SVIL: variants seen among roughly 807,000 people sequenced by gnomAD.
SVIL encodes archvillin.
SVIL carries 101 observed loss-of-function variants against 240.4 expected under a neutral mutation model. The ratio of observed to expected loss-of-function variants is 0.42; its 90% CI spans 0.36 to 0.50. The LOEUF is 0.50. SVIL is among the 20% of genes least tolerant of loss of function. SVIL has a pLI of 0.01. For missense variants in SVIL, 2,512 were observed against 2,818.7 expected (o/e 0.89, Z 2.46); for synonymous variants, 999 against 1,100.0 (o/e 0.91, Z 1.82).
intron 1 of SVIL, among the ~76,000 whole-genome samples, chr10:29,700,604 G>A (rs917278394): frequency 7.3e-5 from 11 of 151,048 alleles, no homozygotes; most frequent in African/African-American, 1.9e-4. Flanking sequence ...CTGAGTAGCT[G>A]GGACTACAGG....
intron 2 of SVIL, among the ~76,000 whole-genome samples, chr10:29,677,981 G>T (rs1054622863): frequency 3.3e-5 from 5 of 152,116 alleles, no homozygotes; most frequent in Admixed American, 1.3e-4. Flanking sequence ...TCTAAAATGG[G>T]CAAATATCAC....
intron 1 of SVIL, among the ~76,000 whole-genome samples, chr10:29,572,587 A>G (rs1247502678): frequency 1.3e-5 from 2 of 152,082 alleles, no homozygotes; most frequent in Admixed American, 6.6e-5. Context: ...CAACATGGTG[A>G]GGCCCTGTCT....
At chr10:29,555,800 GGGCCATC>G (rs148659441) in intron 3 of SVIL, among the ~76,000 whole-genome samples, 1,847 of 152,280 alleles carry the variant, frequency 0.012, 34 homozygotes, top group African/African-American at 0.043. Context: ...GAACCCCACA[GGGCCATC>G]GGCAAGCTAC....
chr10:29,591,921 G>A (rs1004418958), intron 1 of SVIL, among the ~76,000 whole-genome samples: 4 of 152,206 alleles, frequency 2.6e-5, no homozygotes, highest in African/African-American at 9.7e-5. Context: ...ACCTTACATG[G>A]TTCTGGGTAC....
chr10:29,510,488 A>C (rs928428442), intron 17 of SVIL, among the ~76,000 whole-genome samples: 3 of 149,808 alleles, frequency 2.0e-5, no homozygotes, highest in African/African-American at 4.9e-5. Context: ...ATTTCCACAG[A>C]CTGCACACTC....
intron 3 of SVIL, among the ~76,000 whole-genome samples, chr10:29,649,155 G>T (rs1398972810): frequency 1.3e-5 from 2 of 151,996 alleles, no homozygotes; most frequent in Non-Finnish European, 2.9e-5. Context: ...GCGAGGCCCT[G>T]TCTAAATAAA....
intron 1 of SVIL, among the ~76,000 whole-genome samples, chr10:29,693,940 T>TATAC (rs56135685): frequency 0.099 from 15,067 of 151,702 alleles, 961 homozygotes; most frequent in Non-Finnish European, 0.15. Flanking sequence ...TAGATACATA[T>TATAC]ATACATACAT....
chr10:29,621,024 G>A (rs1473823509), intron 1 of SVIL, among the ~76,000 whole-genome samples: 3 of 142,330 alleles, frequency 2.1e-5, no homozygotes, highest in Non-Finnish European at 3.0e-5. Context: ...GGCTGGTCTC[G>A]AACTCTTGGC....
In SVIL at chr10:29,481,709, C is replaced by G; in HGVS notation, c.4975G>C (p.Asp1659His). 1 of 1,611,300 alleles carries G rather than the reference C, an allele frequency of 6.2e-7. No homozygotes were observed. The highest frequency in any genetic ancestry group is 8.5e-7 in the Non-Finnish European group (1 of 1,177,982). Residue 1659 changes from aspartate to histidine, a missense_variant, in exon 28 of 38, where the codon GAC becomes CAC. Transcript: ENST00000355867. ...LIPRKGQGRP[D>H]WAIFGRLTEH... Reference sequence around the variant, plus strand: ...GTAAGTCTCCCAAATATCGCCCAGTCGGGCCGCCCCTGTCCTTTTCTGTAG... The same window carrying G: ...GTAAGTCTCCCAAATATCGCCCAGTGGGGCCGCCCCTGTCCTTTTCTGTAG...
At chr10:29,513,270 G>A (rs576277053) in intron 16 of SVIL, among the ~76,000 whole-genome samples, 2 of 152,136 alleles carry the variant, frequency 1.3e-5, no homozygotes, top group African/African-American at 4.8e-5. Context: ...TGCAGACATG[G>A]GCTTAAAAAC....
intron 1 of SVIL, among the ~76,000 whole-genome samples, chr10:29,696,968 G>C (rs1468690580): frequency 6.8e-6 from 1 of 146,408 alleles, no homozygotes; most frequent in Non-Finnish European, 1.5e-5. Context: ...AGGGAGGTGG[G>C]GGGGTCAGCC....
At chr10:29,533,528 A>C in intron 7 of SVIL, 70 bp from the exon 8 acceptor site, 1 of 1,518,114 alleles carries the variant, frequency 6.6e-7, no homozygotes, top group Non-Finnish European at 8.8e-7. Flanking sequence ...GCATGCGTAG[A>C]TCACAGATTA....
Position 29,493,357 on chromosome 10 carries a change from G to T in SVIL, c.3876C>A (p.Thr1292=). The T allele has an allele frequency of 6.2e-7, 1 of 1,614,098 alleles. No homozygotes were observed. The highest frequency in any genetic ancestry group is 8.5e-7 in the Non-Finnish European group (1 of 1,180,022). ...GGMHETVLTV[T]GKSVKEVMKP... ...TCATCACCTCCTTCACAGATTTGCCGGTGACAGTGAGCACCGTTTCGTGCA... is the reference window on the plus strand; with the variant it reads ...TCATCACCTCCTTCACAGATTTGCCTGTGACAGTGAGCACCGTTTCGTGCA... The change falls in exon 21 of 38, where the codon ACC becomes ACA. Residue 1292 remains threonine, a synonymous_variant. Coordinates refer to ENST00000355867, the MANE Select transcript of SVIL (RefSeq NM_021738.3).
intron 1 of SVIL, among the ~76,000 whole-genome samples, chr10:29,580,096 A>C (rs908815627): frequency 6.6e-6 from 1 of 152,094 alleles, no homozygotes; most frequent in Non-Finnish European, 1.5e-5. Flanking sequence ...TGAGAGGCCA[A>C]GTCAGGAGGA....
intron 1 of SVIL, among the ~76,000 whole-genome samples, chr10:29,723,902 G>C (rs964842530): frequency 5.9e-5 from 9 of 152,182 alleles, no homozygotes; most frequent in African/African-American, 1.9e-4. Flanking sequence ...AAGTTTGGAG[G>C]AGAAAAAGGG....
intron 29 of SVIL, among the ~76,000 whole-genome samples, chr10:29,478,924 CAAAAAAAAAAAAA>C (rs71020791): frequency 7.9e-5 from 5 of 63,040 alleles, no homozygotes; most frequent in African/African-American, 2.2e-4. Flanking sequence ...AACCCTGTCT[CAAAAAAAAAAAAA>C]AAAAAAAAAA....
chr10:29,458,327 G>C lies in SVIL; in HGVS notation c.6565C>G (p.Leu2189Val). Residue 2189 changes from leucine to valine, a missense_variant, in exon 38 of 38, where the codon CTA becomes GTA. Physicochemically the swap from Leu to Val is conservative, Grantham distance 32 (BLOSUM62 1). This residue lies in a region of SVIL where 797 missense variants were observed against 925.3 expected (regional missense o/e 0.86). Transcript: ENST00000355867. ...TTGTATTCATCCCTCGTCATGTCTA[G>C]TGCAAACTGGAAACATTGGGAGAAG... ...YLTDEDFEFA[L>V]DMTRDEYNAL... 6.2e-7 allele frequency: 1 copy of C among 1,614,220 alleles called. No individual in the cohort carries two copies.
chr10:29,660,440 T>C (rs1048351590), intron 2 of SVIL, among the ~76,000 whole-genome samples: 2 of 152,102 alleles, frequency 1.3e-5, no homozygotes, highest in African/African-American at 4.8e-5. Context: ...AGCAAGACCC[T>C]GTGTTTACAA....
At chr10:29,656,408 C>T (rs992703638) in intron 3 of SVIL, among the ~76,000 whole-genome samples, 2 of 151,952 alleles carry the variant, frequency 1.3e-5, no homozygotes, top group Non-Finnish European at 2.9e-5. Context: ...AACCACAGAA[C>T]CTTCAAAGTA....
Sources: gnomAD v4.1 joint callset for allele counts (sites outside exome capture counted in the v4.1 genomes callset) on GRCh38, gnomAD v4.1.1 for gene constraint, gnomAD v4.1.1 regional missense constraint, MANE v1.5 for transcripts, NCBI Gene and HGNC (gene_info 2026-07-23, HGNC 2026-07-21) for gene names.